The following APOBR variants were observed in gnomAD, a reference collection of about 807,000 sequenced individuals.
The protein encoded by APOBR is apoB-48R.
A neutral mutation model predicts 88.5 loss-of-function variants in APOBR; 57 were observed. The observed-to-expected ratio is 0.64, with a 90% CI of 0.52 to 0.80. The LOEUF (loss-of-function observed/expected upper bound fraction) is 0.80. Ranked by LOEUF, APOBR falls within the 30% of genes least tolerant of loss-of-function variation. The pLI, the probability that APOBR is intolerant of heterozygous loss-of-function variation, is 0.00. For synonymous variants in APOBR, 588 were observed against 572.7 expected, an observed-to-expected ratio of 1.03 and a Z score of -0.38; for missense variants, 1,443 against 1,401.6, an observed-to-expected ratio of 1.03 and a Z score of -0.47.
Position 28,497,912 on chromosome 16 carries a change from AGCT to A in APOBR, c.2874_2876del (p.Ala959del), listed in dbSNP as rs770330252. The stretch of plus-strand genomic sequence containing the variant: ...AGCCAACACACCAGGCCCCTGCAGA[AGCT>A]GCGCCGGAGTCAGTCGGGGAAGCCG... On this transcript the variant is annotated inframe_deletion, in exon 2 of 4. Coordinates refer to ENST00000564831, the MANE Select transcript of APOBR (RefSeq NM_018690.4). 6.2e-7 allele frequency: 1 copy of A among 1,613,648 alleles called. No homozygotes were observed. The highest frequency in any genetic ancestry group is 2.2e-5 in the East Asian group (1 of 44,862).
Position 28,497,709 on chromosome 16 carries a change from G to T in APOBR, c.2668G>T (p.Gly890Ter), listed in dbSNP as rs774646524. ...GACGCTGTTGGAAGAAGAGGCTGTT[G>T]GATGGCAGGAGAGAGAACAGAGGGA... The part of the protein sequence containing the change: ...KWTLLEEEAV[G>*]WQEREQREDS... The change falls in exon 2 of 4, where the codon GGA becomes TGA. Residue 890 changes from glycine (G) to a stop codon, truncating the protein, a stop_gained. Transcript: ENST00000564831. LOFTEE classifies it high-confidence loss of function. 1.2e-6 allele frequency: 2 copies of T among 1,604,140 alleles called. No individual in the cohort carries two copies. The highest frequency in any genetic ancestry group is 1.7e-6 in the Non-Finnish European group (2 of 1,175,540).
Position 28,497,180 on chromosome 16 carries a change from T to C in APOBR, c.2139T>C (p.Pro713=), listed in dbSNP as rs1231654535. The C allele has an allele frequency of 2.5e-6, 4 of 1,601,538 alleles. No individual in the cohort carries two copies. The African/African-American group carries it at 5.4e-5, about 21-fold the overall frequency. Reference sequence around the variant, plus strand: ...GAAGCACAGGGGCAGACGCAGGGCCTTGCCCGTCACTGGGAGAGGCCTATG... The same window carrying C: ...GAAGCACAGGGGCAGACGCAGGGCCCTGCCCGTCACTGGGAGAGGCCTATG... The part of the protein sequence containing the change: ...LDGSTGADAG[P]CPSLGEAYAR... The change falls in exon 2 of 4, where the codon CCT becomes CCC. Residue 713 remains proline (P), a synonymous_variant. Coordinates refer to ENST00000564831, the MANE Select transcript of APOBR (RefSeq NM_018690.4).
Position 28,495,572 on chromosome 16 carries a change from A to C in APOBR, c.531A>C (p.Glu177Asp). The change falls in exon 2 of 4, where the codon GAA becomes GAC. Residue 177 changes from glutamate (E) to aspartate (D), a missense_variant. Physicochemically the swap from Glu to Asp is conservative, Grantham distance 45. Coordinates refer to ENST00000564831, the MANE Select transcript of APOBR (RefSeq NM_018690.4). ...VNREERLRSWEQEEEEEEVRA... is the reference protein window; with the variant it reads ...VNREERLRSWDQEEEEEEVRA... ...GAGAAGAGAGGCTGAGAAGCTGGGA[A>C]CAGGAGGAGGAGGAGGAAGAGGTCA... is the stretch of plus-strand genomic sequence containing the variant. 6.4e-7 allele frequency: 1 copy of C among 1,564,278 alleles called. No individual in the cohort carries two copies. Among genetic ancestry groups the C allele is most frequent in the Middle Eastern group, 1.7e-4 (1 of 6,004 alleles).
rs916985281 is a variant in APOBR, at chr16:28,494,727, AG to A, written c.52del (p.Ala18HisfsTer20). On this transcript the variant is annotated frameshift_variant, in exon 1 of 4. Coordinates refer to ENST00000564831, the MANE Select transcript of APOBR (RefSeq NM_018690.4). LOFTEE classifies it high-confidence loss of function. ...LYLPGLHQAL[R>X]GALDSLGTFV... ...CCTCCCTGGGCTGCACCAGGCCTTG[AG>A]GGGGGCACTGGTGAGAAGGGCAGAC... The A allele has an allele frequency of 1.9e-6, 3 of 1,611,510 alleles. No individual in the cohort carries two copies. The highest frequency in any genetic ancestry group is 1.3e-5 in the African/African-American group (1 of 74,888).
Position 28,496,717 on chromosome 16 carries a change from C to T in APOBR, c.1676C>T (p.Thr559Ile). ...VEWGGLTHSVTKGQGPELMGG... is the reference protein window; with the variant it reads ...VEWGGLTHSVIKGQGPELMGG... The stretch of plus-strand genomic sequence containing the variant: ...TGGGGTGGCCTCACACACAGCGTCA[C>T]CAAAGGCCAAGGACCTGAGCTGATG... Residue 559 changes from threonine to isoleucine, a missense_variant, in exon 2 of 4, where the codon ACC (threonine) becomes ATC (isoleucine). By Grantham distance (89) the Thr-to-Ile change is moderately conservative. Transcript: ENST00000564831. 3 of 1,600,346 alleles carry T rather than the reference C, an allele frequency of 1.9e-6. No individual in the cohort carries two copies. The highest frequency in any genetic ancestry group is 2.6e-6 in the Non-Finnish European group (3 of 1,174,004).
Position 28,495,203 on chromosome 16 carries a change from GAC to G in APOBR, c.164_165del (p.Thr55ArgfsTer16). The G allele has an allele frequency of 6.4e-7, 1 of 1,564,300 alleles. No homozygotes were observed. ...AACTGGGGGTGGTGGCGGTGGGAAA[GAC>G]AGGGAAGATTGTAGAGGAGGAAGCC... ...EELGVVAVGK[T>X]GKIVEEEAQE... On this transcript the variant is annotated frameshift_variant, in exon 2 of 4. Transcript: ENST00000564831. LOFTEE classifies it high-confidence loss of function.
Position 28,495,883 on chromosome 16 carries a change from A to G in APOBR, c.842A>G (p.Glu281Gly), listed in dbSNP as rs2046387038. 9.9e-6 allele frequency: 16 copies of G among 1,611,392 alleles called. No individual in the cohort carries two copies. The East Asian group carries it at 3.6e-4, about 36-fold the overall frequency. Reference protein sequence around the residue: ...EPEDWGILGREEARTTPGREE... With the variant: ...EPEDWGILGRGEARTTPGREE... Reference sequence around the variant, plus strand: ...GAGGACTGGGGAATCTTAGGCAGAGAGGAGGCCAGGACAACCCCAGGTAGG... The same window carrying G: ...GAGGACTGGGGAATCTTAGGCAGAGGGGAGGCCAGGACAACCCCAGGTAGG... Residue 281 changes from glutamate (E) to glycine (G), a missense_variant, in exon 2 of 4, where the codon GAG becomes GGG. Physicochemically the swap from Glu to Gly is moderately conservative, Grantham distance 98 (BLOSUM62 -2). Transcript: ENST00000564831.
chr16:28,496,067 C>A lies in APOBR; in HGVS notation c.1026C>A (p.Gly342=), dbSNP rs62034312. Residue 342 remains glycine (G), a synonymous_variant, in exon 2 of 4, where the codon GGC becomes GGA. Coordinates refer to ENST00000564831, the MANE Select transcript of APOBR (RefSeq NM_018690.4). ...SGGEEAGIAS[G]GEAGTASGGE... ...GGGAGGAGGCCGGGATAGCCTCAGGCGGGGAGGCTGGGACAGCCTCAGGAG... is the reference window on the plus strand; with the variant it reads ...GGGAGGAGGCCGGGATAGCCTCAGGAGGGGAGGCTGGGACAGCCTCAGGAG... 3 of 1,461,370 alleles carry A rather than the reference C, an allele frequency of 2.1e-6. No individual in the cohort carries two copies. The highest frequency in any genetic ancestry group is 2.7e-6 in the Non-Finnish European group (3 of 1,109,262). 90.5% of individuals were successfully genotyped at this position (1,461,370 alleles called of 1,614,324 possible).
In APOBR at chr16:28,495,630, G is replaced by T; in HGVS notation, c.589G>T (p.Glu197Ter). Residue 197 changes from glutamate (E) to a stop codon, truncating the protein, a stop_gained, in exon 2 of 4, where the codon GAG becomes TAG. Transcript: ENST00000564831. LOFTEE classifies it high-confidence loss of function. ...AREPGMARGA[E>*]SEWTWHGETE... ...AGAGCCAGGGATGGCCAGAGGGGCG[G>T]AGTCAGAGTGGACCTGGCATGGGGA... 6.4e-7 allele frequency: 1 copy of T among 1,556,832 alleles called. No individual in the cohort carries two copies. The highest frequency in any genetic ancestry group is 2.4e-5 in the East Asian group (1 of 41,594).
chr16:28,498,311 G>C lies in APOBR; in HGVS notation c.3186G>C (p.Gly1062=), dbSNP rs1224941812. Residue 1062 remains glycine (G), a synonymous_variant, in exon 3 of 4, where the codon GGG becomes GGC. Coordinates refer to ENST00000564831, the MANE Select transcript of APOBR (RefSeq NM_018690.4). The part of the protein sequence containing the change: ...PLEPSPLRHD[G]TPVPARRRPL... ...AGCCAAGCCCTCTGAGGCATGATGG[G>C]ACCCCGGTGCCAGCCAGGAGAAGGC... 6.2e-7 allele frequency: 1 copy of C among 1,600,526 alleles called. No homozygotes were observed. The highest frequency in any genetic ancestry group is 8.5e-7 in the Non-Finnish European group (1 of 1,173,654).
At position 28,495,626 on chromosome 16, in the gene APOBR, G is replaced by A; in HGVS notation, c.585G>A (p.Gly195=). 1 of 1,557,564 alleles carries A rather than the reference G, an allele frequency of 6.4e-7. No homozygotes were observed. The highest frequency in any genetic ancestry group is 8.7e-7 in the Non-Finnish European group (1 of 1,150,374). Residue 195 remains glycine (G), a synonymous_variant, in exon 2 of 4, where the codon GGG becomes GGA. Coordinates refer to ENST00000564831, the MANE Select transcript of APOBR (RefSeq NM_018690.4). ...CAAGAGAGCCAGGGATGGCCAGAGG[G>A]GCGGAGTCAGAGTGGACCTGGCATG... ...VRAREPGMAR[G]AESEWTWHGE...
chr16:28,495,916 C>T lies in APOBR; in HGVS notation c.875C>T (p.Ala292Val), dbSNP rs774551194. ...AGGACAACCCCAGGTAGGGAAGAGG[C>T]CAGGGCAATTTTAGATGGGGAGGAA... ...EARTTPGREEARAILDGEEAR... is the reference protein window; with the variant it reads ...EARTTPGREEVRAILDGEEAR... Residue 292 changes from alanine (A) to valine (V), a missense_variant, in exon 2 of 4, where the codon GCC becomes GTC. By Grantham distance (64) the Ala-to-Val change is moderately conservative (BLOSUM62 0). Transcript: ENST00000564831. 3.7e-6 allele frequency: 6 copies of T among 1,612,530 alleles called. No homozygotes were observed. Among genetic ancestry groups the T allele is most frequent in the Admixed American group, 1.7e-5 (1 of 59,778 alleles).
chr16:28,497,297 T>C lies in APOBR; in HGVS notation c.2256T>C (p.Arg752=). 1 of 1,597,122 alleles carries C rather than the reference T, an allele frequency of 6.3e-7. No homozygotes were observed. Among genetic ancestry groups the C allele is most frequent in the Non-Finnish European group, 8.5e-7 (1 of 1,172,320 alleles). The part of the protein sequence containing the change: ...LQAVAVGLPD[R]EDAQTGSVAA... ...CGGTGGCTGTGGGCCTCCCGGACCGTGAGGATGCACAGACTGGCTCTGTGG... is the reference window on the plus strand; with the variant it reads ...CGGTGGCTGTGGGCCTCCCGGACCGCGAGGATGCACAGACTGGCTCTGTGG... The change falls in exon 2 of 4, where the codon CGT becomes CGC. Residue 752 remains arginine (R), a synonymous_variant. Coordinates refer to ENST00000564831, the MANE Select transcript of APOBR (RefSeq NM_018690.4).
chr16:28,494,891 A>G (rs776545971), intron 1 of APOBR, 153 bp downstream of exon 1: 7 of 882,696 alleles, frequency 7.9e-6, no homozygotes, highest in Non-Finnish European at 1.2e-5. Flanking sequence ...TCCTGGCCTA[A>G]TATTTTCTGA....
chr16:28,498,290 A>C lies in APOBR; in HGVS notation c.3165A>C (p.Pro1055=). 1 of 1,603,692 alleles carries C rather than the reference A, an allele frequency of 6.2e-7. No individual in the cohort carries two copies. Among genetic ancestry groups the C allele is most frequent in the Non-Finnish European group, 8.5e-7 (1 of 1,175,502 alleles). ...RPLQLEEPLE[P]SPLRHDGTPV... ...TCCAGCTGGAGGAACCCCTGGAGCC[A>C]AGCCCTCTGAGGCATGATGGGACCC... Residue 1055 remains proline, a synonymous_variant, in exon 3 of 4, where the codon CCA becomes CCC. Coordinates refer to ENST00000564831, the MANE Select transcript of APOBR (RefSeq NM_018690.4).
chr16:28,495,756 C>A lies in APOBR; in HGVS notation c.715C>A (p.Pro239Thr). 1 of 1,551,800 alleles carries A rather than the reference C, an allele frequency of 6.4e-7. No homozygotes were observed. Among genetic ancestry groups the A allele is most frequent in the Non-Finnish European group, 8.7e-7 (1 of 1,148,012 alleles). ...READAGETEE[P>T]GAEGAGKGEE... is the part of the protein sequence containing the mutation. Reference sequence around the variant, plus strand: ...GGCAGATGCAGGGGAAACTGAGGAGCCTGGGGCCGAAGGGGCTGGGAAAGG... The same window carrying A: ...GGCAGATGCAGGGGAAACTGAGGAGACTGGGGCCGAAGGGGCTGGGAAAGG... Residue 239 changes from proline to threonine, a missense_variant, in exon 2 of 4, where the codon CCT (proline) becomes ACT (threonine). Coordinates refer to ENST00000564831, the MANE Select transcript of APOBR (RefSeq NM_018690.4).
At position 28,498,519 on chromosome 16, in the gene APOBR, C is replaced by A; in HGVS notation, c.*14C>A. ...AAGCCCCAGTGACTGAGACCCGGTG[C>A]TCTGGGAGCCAGGCCCTGAGTGGGT... On this transcript the variant is annotated 3_prime_UTR_variant, in exon 4 of 4. Transcript: ENST00000564831. 2 of 1,580,394 alleles carry A rather than the reference C, an allele frequency of 1.3e-6. No homozygotes were observed. Among genetic ancestry groups the A allele is most frequent in the Admixed American group, 1.8e-5 (1 of 55,078 alleles).
At position 28,498,239 on chromosome 16, in the gene APOBR, G is replaced by T. The variant is rs376531220; in HGVS notation, c.3114G>T (p.Glu1038Asp). The T allele has an allele frequency of 6.2e-7, 1 of 1,607,944 alleles. No individual in the cohort carries two copies. Among genetic ancestry groups the T allele is most frequent in the Admixed American group, 1.7e-5 (1 of 59,162 alleles). ...CAGCCCCCAACCCTCCTGAGGAGGA[G>T]CTGTCAGCTCCTGAGCAGAGACCCC... ...EPPAPNPPEE[E>D]LSAPEQRPLQ... Residue 1038 changes from glutamate to aspartate, a missense_variant, in exon 3 of 4, where the codon GAG (glutamate) becomes GAT (aspartate). Transcript: ENST00000564831.
In APOBR at chr16:28,496,722, G is replaced by C. The variant is rs1596573384; in HGVS notation, c.1681G>C (p.Gly561Arg). 1 of 1,599,938 alleles carries C rather than the reference G, an allele frequency of 6.3e-7. No homozygotes were observed. Among genetic ancestry groups the C allele is most frequent in the Non-Finnish European group, 8.5e-7 (1 of 1,173,790 alleles). The change falls in exon 2 of 4, where the codon GGC (glycine) becomes CGC (arginine). Residue 561 changes from glycine (G) to arginine (R), a missense_variant. Gly to Arg is a moderately radical substitution (Grantham distance 125). Transcript: ENST00000564831. ...TGGCCTCACACACAGCGTCACCAAA[G>C]GCCAAGGACCTGAGCTGATGGGGGG... ...WGGLTHSVTKGQGPELMGGAQ... is the reference protein window; with the variant it reads ...WGGLTHSVTKRQGPELMGGAQ...
Sources: gnomAD v4.1 joint callset for allele counts on GRCh38, gnomAD v4.1.1 for gene constraint, MANE v1.5 for transcripts, NCBI Gene and HGNC (gene_info 2026-07-23, HGNC 2026-07-21) for gene names.